PDE4B: variants seen among roughly 807,000 people sequenced by gnomAD.
The protein encoded by PDE4B is phosphodiesterase 4B, also known as 3',5'-cyclic-AMP phosphodiesterase 4B.
In PDE4B, 20 loss-of-function variants were observed where a neutral mutation model predicts 82.2. The observed-to-expected ratio is 0.24, with a 90% CI of 0.17 to 0.35. The LOEUF (loss-of-function observed/expected upper bound fraction) is 0.35, where lower values mean the gene tolerates loss of function less well. Ranked by LOEUF, PDE4B falls within the 10% of genes least tolerant of loss-of-function variation. PDE4B has a pLI of 1.00. For missense variants in PDE4B, 655 were observed against 907.2 expected, an observed-to-expected ratio of 0.72 and a Z score of 3.57; for synonymous variants, 320 against 318.9, an observed-to-expected ratio of 1.00 and a Z score of -0.04.
chr1:65,815,150 T>C (rs895754983), intron 1 of PDE4B, among the ~76,000 whole-genome samples: 4 of 151,852 alleles, frequency 2.6e-5, no homozygotes, highest in Non-Finnish European at 5.9e-5. Context: ...GCTGGTGCGC[T>C]GCACCCACTA....
chr1:66,195,260 A>G (rs1289044095), intron 3 of PDE4B, among the ~76,000 whole-genome samples: 1 of 152,112 alleles, frequency 6.6e-6, no homozygotes, highest in Non-Finnish European at 1.5e-5. Flanking sequence ...AAAAATTTAT[A>G]ATTTTCCAGA....
intron 3 of PDE4B, among the ~76,000 whole-genome samples, chr1:65,988,337 A>C (rs1651059291): frequency 6.6e-6 from 1 of 152,184 alleles, no homozygotes. Context: ...ACAAAATATA[A>C]AAATTGGGAG....
intron 1 of PDE4B, among the ~76,000 whole-genome samples, chr1:65,796,482 G>T (rs754096234): frequency 3.3e-5 from 5 of 151,268 alleles, no homozygotes; most frequent in Non-Finnish European, 7.4e-5. Flanking sequence ...CGCTGATTCT[G>T]TCCTCTGTCT....
intron 3 of PDE4B, among the ~76,000 whole-genome samples, chr1:65,932,977 G>A (rs1647921187): frequency 6.6e-6 from 1 of 152,052 alleles, no homozygotes; most frequent in Non-Finnish European, 1.5e-5. Flanking sequence ...GGACCAATGT[G>A]CACATTATAG....
intron 3 of PDE4B, among the ~76,000 whole-genome samples, chr1:65,994,362 T>A (rs555968791): frequency 6.6e-6 from 1 of 152,294 alleles, no homozygotes; most frequent in South Asian, 2.1e-4. Context: ...ATTCTTGCTT[T>A]CTGACAATGG....
chr1:66,079,907 A>G (rs145514616), intron 3 of PDE4B, among the ~76,000 whole-genome samples: 1 of 152,246 alleles, frequency 6.6e-6, no homozygotes, highest in African/African-American at 2.4e-5. Context: ...ATATATACTA[A>G]CAAGCTTTAA....
chr1:66,270,750 A>T lies in PDE4B; in HGVS notation c.634+4663A>T, dbSNP rs188488990. Among the ~76,000 whole-genome samples the T allele has an allele frequency of 3.9e-5, 6 of 152,376 alleles. 1 individual carries two copies. The East Asian group carries it at 1.2e-3, about 29-fold the overall frequency. ...TGACCAAAGGCTCTGACCAGTCATG[A>T]TAAAGGAAAGATTAGAGGGAATTAT... On this transcript the variant is annotated intron_variant, in intron 7 of 16. Transcript: ENST00000341517.
At chr1:65,916,925 A>G (rs1647168113) in intron 2 of PDE4B, among the ~76,000 whole-genome samples, 1 of 152,204 alleles carries the variant, frequency 6.6e-6, no homozygotes, top group African/African-American at 2.4e-5. Flanking sequence ...CTATGATTCT[A>G]CTGAATTTCA....
intron 3 of PDE4B, among the ~76,000 whole-genome samples, chr1:65,980,555 A>G (rs1289646449): frequency 6.6e-6 from 1 of 152,100 alleles, no homozygotes; most frequent in Non-Finnish European, 1.5e-5. Flanking sequence ...TTTTCTTTTC[A>G]TTTGATTCTC....
intron 3 of PDE4B, among the ~76,000 whole-genome samples, chr1:66,022,836 G>A (rs899417962): frequency 1.8e-4 from 27 of 152,178 alleles, no homozygotes; most frequent in African/African-American, 6.3e-4. Flanking sequence ...ATGAATTAGG[G>A]AGGATTCCCT....
intron 3 of PDE4B, among the ~76,000 whole-genome samples, chr1:66,156,565 C>T (rs1646505241): frequency 6.6e-6 from 1 of 151,914 alleles, no homozygotes; most frequent in African/African-American, 2.4e-5. Flanking sequence ...CTAATATCTC[C>T]ATCCTTAGAC....
intron 7 of PDE4B, among the ~76,000 whole-genome samples, chr1:66,283,691 G>A (rs1021519103): frequency 1.3e-5 from 2 of 152,050 alleles, no homozygotes; most frequent in Non-Finnish European, 2.9e-5. Context: ...CTGAGAGGAA[G>A]ATATCTCACA....
At chr1:66,200,925 G>C (rs2101530929) in intron 3 of PDE4B, among the ~76,000 whole-genome samples, 1 of 152,276 alleles carries the variant, frequency 6.6e-6, no homozygotes, top group South Asian at 2.1e-4. Flanking sequence ...TCTTGTGCCA[G>C]TTTTCAAAGG....
intron 1 of PDE4B, among the ~76,000 whole-genome samples, chr1:65,883,009 G>C (rs1468600622): frequency 6.6e-6 from 1 of 152,050 alleles, no homozygotes; most frequent in Admixed American, 6.6e-5. Flanking sequence ...ATCTGACCTT[G>C]GGCGAACCAT....
At chr1:66,086,832 T>G (rs1443708402) in intron 3 of PDE4B, among the ~76,000 whole-genome samples, 1 of 152,116 alleles carries the variant, frequency 6.6e-6, no homozygotes, top group African/African-American at 2.4e-5. Flanking sequence ...GAGGTAGACT[T>G]GTAAAGAAAT....
chr1:66,201,705 T>G (rs1648974075), intron 3 of PDE4B, among the ~76,000 whole-genome samples: 1 of 151,650 alleles, frequency 6.6e-6, no homozygotes, highest in South Asian at 2.1e-4. Context: ...CCTTTGTCAT[T>G]TTTTATTGCA....
At chr1:66,279,196 A>G (rs1380223302) in intron 7 of PDE4B, among the ~76,000 whole-genome samples, 3 of 152,064 alleles carry the variant, frequency 2.0e-5, no homozygotes, top group South Asian at 2.1e-4. Context: ...TACATGTCCT[A>G]TGTTGCTTTC....
chr1:66,304,944 G>T (rs1458950551), intron 7 of PDE4B, among the ~76,000 whole-genome samples: 1 of 152,024 alleles, frequency 6.6e-6, no homozygotes, highest in Non-Finnish European at 1.5e-5. Flanking sequence ...GTATTATTTG[G>T]CTATTTAAGC....
At chr1:66,152,842 A>G (rs911354784) in intron 3 of PDE4B, among the ~76,000 whole-genome samples, 11 of 152,060 alleles carry the variant, frequency 7.2e-5, no homozygotes, top group Non-Finnish European at 1.3e-4. Flanking sequence ...TGTCAGTGCT[A>G]GAGTCTTGAG....
Sources: allele counts gnomAD v4.1 joint callset (sites outside exome capture counted in the v4.1 genomes callset), GRCh38; gene constraint gnomAD v4.1.1; transcripts MANE v1.5; gene names NCBI Gene and HGNC (gene_info 2026-07-23, HGNC 2026-07-21).